RFESD: variants seen among roughly 807,000 people sequenced by gnomAD.
The protein encoded by RFESD is Rieske domain-containing protein.
In RFESD, 16 loss-of-function variants were observed where a neutral mutation model predicts 24.4. That is an observed-to-expected ratio of 0.66 (90% CI 0.44 to 1.00). The LOEUF (loss-of-function observed/expected upper bound fraction) is 1.00, where lower values mean the gene tolerates loss of function less well. Among genes scored for constraint, RFESD ranks in the 50% least tolerant of loss-of-function variants. RFESD has a pLI of 0.00. For synonymous variants in RFESD, 59 were observed against 81.8 expected (o/e 0.72, Z 1.50); for missense variants, 208 against 247.0 (o/e 0.84, Z 1.06).
intron 1 of RFESD, among the ~76,000 whole-genome samples, chr5:95,650,665 A>G (rs560439277): frequency 5.9e-5 from 9 of 152,360 alleles, no homozygotes; most frequent in Non-Finnish European, 1.0e-4. Context: ...TAGAGAAGCC[A>G]TCAGGAAAAT....
intron 5 of RFESD, among the ~76,000 whole-genome samples, chr5:95,655,066 C>T (rs1437245752): frequency 1.3e-5 from 2 of 152,090 alleles, no homozygotes; most frequent in South Asian, 4.1e-4. Flanking sequence ...TCTCTCTAAC[C>T]GATGCAAAGT....
At position 95,652,282 on chromosome 5, in the gene RFESD, G is replaced by C; in HGVS notation, c.11G>C (p.Cys4Ser). 6.5e-7 allele frequency: 1 copy of C among 1,550,216 alleles called. No individual in the cohort carries two copies. Among genetic ancestry groups the C allele is most frequent in the Non-Finnish European group, 8.7e-7 (1 of 1,146,114 alleles). Residue 4 changes from cysteine (C) to serine (S), a missense_variant, in exon 2 of 6, where the codon TGT (cysteine) becomes TCT (serine). Physicochemically the swap from Cys to Ser is moderately radical, Grantham distance 112. Transcript: ENST00000380005. The part of the protein sequence containing the change: MLK[C>S]FRNCLRPSSL... Reference sequence around the variant, plus strand: ...CCACCTGACCTCTAAATGTTGAAGTGTTTCAGGAATTGTCTTAGACCTTCT... The same window carrying C: ...CCACCTGACCTCTAAATGTTGAAGTCTTTCAGGAATTGTCTTAGACCTTCT...
chr5:95,652,726 G>C (rs1288970702), intron 2 of RFESD: 1 of 240,604 alleles, frequency 4.2e-6, no homozygotes, highest in African/African-American at 2.3e-5. Flanking sequence ...CCTTTGAATA[G>C]TGCCTGGCAC....
chr5:95,656,059 G>A lies in RFESD; in HGVS notation c.383G>A (p.Arg128Gln), dbSNP rs760650451. Residue 128 changes from arginine to glutamine, a missense_variant, in exon 6 of 6, where the codon CGA (arginine) becomes CAA (glutamine). By Grantham distance (43) the Arg-to-Gln change is conservative. Coordinates refer to ENST00000380005, the MANE Select transcript of RFESD (RefSeq NM_001131066.2). The part of the protein sequence containing the change: ...HLGDIEDFDG[R>Q]PCIVCPWHKY... ...TCTCTTCCCCAGGATTTTGATGGACGACCGTGTATAGTTTGCCCCTGGCAT... is the reference window on the plus strand; with the variant it reads ...TCTCTTCCCCAGGATTTTGATGGACAACCGTGTATAGTTTGCCCCTGGCAT... 7 of 1,612,424 alleles carry A rather than the reference G, an allele frequency of 4.3e-6. No homozygotes were observed. The highest frequency in any genetic ancestry group is 1.1e-5 in the South Asian group (1 of 90,718).
At chr5:95,653,257 C>A (rs1257100298) in intron 3 of RFESD, 43 bp downstream of exon 3, 5 of 1,549,764 alleles carry the variant, frequency 3.2e-6, no homozygotes, top group Non-Finnish European at 4.4e-6. Context: ...CCTTCTCTTG[C>A]TGTAATAGCT....
chr5:95,650,164 T>A (rs768871994), intron 1 of RFESD, among the ~76,000 whole-genome samples: 13 of 152,230 alleles, frequency 8.5e-5, no homozygotes, highest in Non-Finnish European at 1.8e-4. Context: ...AATAAACTTT[T>A]GCTTTTTTAT....
chr5:95,648,416 C>T (rs776144923), intron 1 of RFESD, among the ~76,000 whole-genome samples: 3 of 151,958 alleles, frequency 2.0e-5, no homozygotes, highest in Non-Finnish European at 2.9e-5. Context: ...GACTTAAAAT[C>T]GAAACATATT....
At chr5:95,653,356 A>G (rs1750478468) in intron 3 of RFESD, 142 bp downstream of exon 3, 4 of 1,194,026 alleles carry the variant, frequency 3.4e-6, no homozygotes, top group Non-Finnish European at 2.3e-6. Flanking sequence ...TATTCAGACA[A>G]TCAAAGAATC....
At chr5:95,654,799 T>C (rs902010712) in intron 5 of RFESD, among the ~76,000 whole-genome samples, 3 of 152,176 alleles carry the variant, frequency 2.0e-5, no homozygotes, top group African/African-American at 7.2e-5. Context: ...CATAGGATGA[T>C]AATAGTCTTA....
chr5:95,649,333 C>T (rs1165575978), intron 1 of RFESD, among the ~76,000 whole-genome samples: 1 of 152,072 alleles, frequency 6.6e-6, no homozygotes, highest in Non-Finnish European at 1.5e-5. Flanking sequence ...TGAAATTAAG[C>T]CAACTTGATG....
intron 1 of RFESD, chr5:95,647,661 A>T (rs1350607982): frequency 6.6e-6 from 1 of 151,816 alleles, no homozygotes; most frequent in Non-Finnish European, 1.5e-5. Flanking sequence ...TTAATTCAGG[A>T]CCATCTTTGG....
chr5:95,653,080 T>G, intron 2 of RFESD, 37 bp from the exon 3 acceptor site: 1 of 1,549,784 alleles, frequency 6.5e-7, no homozygotes. Flanking sequence ...CCAAGACTTT[T>G]CTTTCCTTCA....
intron 1 of RFESD, chr5:95,647,062 G>A (rs1750131131): frequency 1.3e-5 from 2 of 152,236 alleles, no homozygotes; most frequent in Middle Eastern, 3.2e-3. Flanking sequence ...GCCACCTAAG[G>A]GGGGTACGCG....
chr5:95,657,005 G>A lies in RFESD; in HGVS notation c.*696G>A, dbSNP rs1383383561. Reference sequence around the variant, plus strand: ...ACTTAACCACTGTTAAGTGATCTGTGATCAAGGCAGATCTTGAAGTAAGGA... The same window carrying A: ...ACTTAACCACTGTTAAGTGATCTGTAATCAAGGCAGATCTTGAAGTAAGGA... On this transcript the variant is annotated 3_prime_UTR_variant, in exon 6 of 6. Transcript: ENST00000380005. 1.3e-5 allele frequency: 2 copies of A among 152,148 alleles called. No homozygotes were observed. Among genetic ancestry groups the A allele is most frequent in the African/African-American group, 4.8e-5 (2 of 41,430 alleles). 9.4% of individuals were successfully genotyped at this position (152,148 alleles called of 1,614,324 possible).
chr5:95,653,038 A>G (rs1216069932), intron 2 of RFESD, 79 bp from the exon 3 acceptor site: 14 of 1,532,022 alleles, frequency 9.1e-6, no homozygotes, highest in Middle Eastern at 1.7e-4. Flanking sequence ...CCAATCTTGC[A>G]TATTATGTTC....
rs538433823 is a variant in RFESD at position 95,654,164 on chromosome 5, G to A, written c.262G>A (p.Val88Ile). ...TAAAAAATCTGAAAGAATGACAGCTGTTGTCCATGATAGAGAAGTGGTCAT... is the reference window on the plus strand; with the variant it reads ...TAAAAAATCTGAAAGAATGACAGCTATTGTCCATGATAGAGAAGTGGTCAT... Reference protein sequence around the residue: ...DIKKSERMTAVVHDREVVIFY... With the variant: ...DIKKSERMTAIVHDREVVIFY... The change falls in exon 4 of 6, where the codon GTT becomes ATT. Residue 88 changes from valine (V) to isoleucine (I), a missense_variant. Val to Ile is a conservative substitution (Grantham distance 29). Coordinates refer to ENST00000380005, the MANE Select transcript of RFESD (RefSeq NM_001131066.2). 6.2e-7 allele frequency: 1 copy of A among 1,612,554 alleles called. No individual in the cohort carries two copies. Among genetic ancestry groups the A allele is most frequent in the Admixed American group, 1.7e-5 (1 of 60,022 alleles).
At chr5:95,651,805 A>G (rs527675674) in intron 1 of RFESD, among the ~76,000 whole-genome samples, 35 of 152,250 alleles carry the variant, frequency 2.3e-4, no homozygotes, top group South Asian at 1.2e-3. Context: ...TTTAATTTCT[A>G]TATTTGGCCA....
At chr5:95,649,342 T>C (rs1253286104) in intron 1 of RFESD, among the ~76,000 whole-genome samples, 4 of 152,226 alleles carry the variant, frequency 2.6e-5, no homozygotes, top group African/African-American at 9.6e-5. Context: ...GCCAACTTGA[T>C]GTAGAGATAC....
chr5:95,650,914 T>C (rs1750295875), intron 1 of RFESD, among the ~76,000 whole-genome samples: 1 of 151,942 alleles, frequency 6.6e-6, no homozygotes, highest in Non-Finnish European at 1.5e-5. Flanking sequence ...CTGGCTAACA[T>C]GGTGAAACCC....
Sources: gnomAD v4.1 joint callset for allele counts (sites outside exome capture counted in the v4.1 genomes callset) on GRCh38, gnomAD v4.1.1 for gene constraint, MANE v1.5 for transcripts, NCBI Gene and HGNC (gene_info 2026-07-23, HGNC 2026-07-21) for gene names.